PDE4D: variants seen among roughly 807,000 people sequenced by gnomAD.
PDE4D encodes the protein phosphodiesterase 4D, also known as 3',5'-cyclic-AMP phosphodiesterase 4D.
Under a neutral mutation model 87.4 loss-of-function variants are expected in PDE4D, and 24 were observed. That is an observed-to-expected ratio of 0.27 (90% CI 0.20 to 0.39). The LOEUF (loss-of-function observed/expected upper bound fraction) is 0.39. PDE4D is among the 10% of genes least tolerant of loss of function. PDE4D has a pLI of 1.00. For missense variants in PDE4D, 714 were observed against 1,041.0 expected (o/e 0.69, Z 4.32); for synonymous variants, 384 against 383.2 (o/e 1.00, Z -0.02).
chr5:59,713,675 G>C (rs1316825973), intron 1 of PDE4D, among the ~76,000 whole-genome samples: 2 of 152,164 alleles, frequency 1.3e-5, no homozygotes, highest in African/African-American at 4.8e-5. Context: ...TGTGGTACCT[G>C]GTCACAGCTG....
intron 2 of PDE4D, among the ~76,000 whole-genome samples, chr5:60,157,749 T>C (rs994974021): frequency 6.6e-6 from 1 of 152,234 alleles, no homozygotes; most frequent in Non-Finnish European, 1.5e-5. Flanking sequence ...TTTCAACTAA[T>C]GGTGGTACGA....
intron 1 of PDE4D, among the ~76,000 whole-genome samples, chr5:59,319,160 ATGTGTGTGTGTG>A (rs59099367): frequency 8.6e-5 from 12 of 139,672 alleles, no homozygotes; most frequent in Non-Finnish European, 1.3e-4. Context: ...GTACATATAT[ATGTGTGTGTGTG>A]TGTGTGTGTG....
intron 1 of PDE4D, among the ~76,000 whole-genome samples, chr5:60,404,738 G>A (rs17326404): frequency 0.052 from 7,908 of 152,294 alleles, 264 homozygotes; most frequent in East Asian, 0.11. Context: ...TAAGGGCTCC[G>A]TAACATGACA....
chr5:59,169,753 C>T (rs930849579), intron 5 of PDE4D, among the ~76,000 whole-genome samples: 1 of 152,188 alleles, frequency 6.6e-6, no homozygotes, highest in African/African-American at 2.4e-5. Context: ...GCCCTCTCAC[C>T]TGCTTTCTTC....
Position 59,668,852 on chromosome 5 carries a change from GAAGAAGAA to G in PDE4D, c.455+224308_455+224315del, listed in dbSNP as rs1746619791. Among the ~76,000 whole-genome samples, 94 of 51,738 alleles carry G rather than the reference GAAGAAGAA, an allele frequency of 1.8e-3. 1 individual carries two copies. Among genetic ancestry groups the G allele is most frequent in the African/African-American group, 7.3e-3 (72 of 9,904 alleles). The allele number at this position is 51,738 out of a possible 152,430, so 33.9% of individuals were successfully genotyped here. ...AGAAGAGGAAGAGGAAGAGGAAGAAGAAGAAGAAGAAGAAGAAGAAGAAGAAGAAGAAG... is the reference window on the plus strand; with the variant it reads ...AGAAGAGGAAGAGGAAGAGGAAGAAGGAAGAAGAAGAAGAAGAAGAAGAAG... On this transcript the variant is annotated intron_variant, in intron 1 of 14. Coordinates refer to ENST00000340635, the MANE Select transcript of PDE4D (RefSeq NM_001104631.2).
intron 1 of PDE4D, among the ~76,000 whole-genome samples, chr5:59,767,397 T>G (rs995169541): frequency 2.6e-5 from 4 of 152,164 alleles, no homozygotes; most frequent in African/African-American, 9.7e-5. Flanking sequence ...GAGTTTGGAA[T>G]GGCCTCTACT....
At chr5:59,208,461 C>A (rs1749316655) in intron 2 of PDE4D, among the ~76,000 whole-genome samples, 1 of 152,156 alleles carries the variant, frequency 6.6e-6, no homozygotes, top group South Asian at 2.1e-4. Context: ...ACATATAACT[C>A]AATTAATTCG....
intron 3 of PDE4D, among the ~76,000 whole-genome samples, chr5:59,912,048 A>G (rs1056829937): frequency 2.6e-5 from 4 of 152,196 alleles, no homozygotes; most frequent in Non-Finnish European, 4.4e-5. Context: ...GAGGCTTTAA[A>G]CTAATAGAAA....
chr5:59,750,203 T>C (rs1760234888), intron 1 of PDE4D, among the ~76,000 whole-genome samples: 1 of 151,282 alleles, frequency 6.6e-6, no homozygotes, highest in Non-Finnish European at 1.5e-5. Flanking sequence ...TTTCCCCACA[T>C]CTTTACTTTC....
chr5:59,465,340 C>T (rs1255891727), intron 1 of PDE4D, among the ~76,000 whole-genome samples: 1 of 152,124 alleles, frequency 6.6e-6, no homozygotes, highest in Non-Finnish European at 1.5e-5. Flanking sequence ...CCACCTTAAC[C>T]ACTATTACTT....
chr5:59,766,104 TCTC>T (rs954906302), intron 1 of PDE4D, among the ~76,000 whole-genome samples: 10 of 152,204 alleles, frequency 6.6e-5, no homozygotes, highest in African/African-American at 2.2e-4. Flanking sequence ...TTTTCAAAAT[TCTC>T]CATAGTGCTT....
At chr5:59,597,892 G>C (rs972760048) in intron 1 of PDE4D, among the ~76,000 whole-genome samples, 1 of 151,998 alleles carries the variant, frequency 6.6e-6, no homozygotes, top group African/African-American at 2.4e-5. Flanking sequence ...TTAACATTCT[G>C]ACTCGAGGGT....
At chr5:59,198,577 T>C (rs1253147394) in intron 2 of PDE4D, among the ~76,000 whole-genome samples, 4 of 152,204 alleles carry the variant, frequency 2.6e-5, no homozygotes, top group African/African-American at 7.2e-5. Context: ...TCACTAGTCC[T>C]GGCGAGCCTT....
At chr5:59,507,335 CA>C (rs1809440202) in intron 1 of PDE4D, among the ~76,000 whole-genome samples, 1 of 151,180 alleles carries the variant, frequency 6.6e-6, no homozygotes, top group African/African-American at 2.4e-5. Flanking sequence ...CTTTCTCAAA[CA>C]AAACAAAACA....
intron 1 of PDE4D, among the ~76,000 whole-genome samples, chr5:59,338,118 GA>G (rs1433188141): frequency 2.0e-5 from 3 of 152,166 alleles, no homozygotes; most frequent in African/African-American, 7.2e-5. Context: ...ACTAATATGT[GA>G]TATCCCAAAA....
chr5:60,268,467 G>T (rs974586941), intron 1 of PDE4D, among the ~76,000 whole-genome samples: 3 of 152,160 alleles, frequency 2.0e-5, no homozygotes, highest in African/African-American at 4.8e-5. Flanking sequence ...GGGTGTGGAC[G>T]GCTACCTCAC....
chr5:59,656,122 C>A (rs1281408941), intron 1 of PDE4D, among the ~76,000 whole-genome samples: 1 of 152,088 alleles, frequency 6.6e-6, no homozygotes, highest in African/African-American at 2.4e-5. Context: ...GTACATTCCT[C>A]ATACACAATC....
intron 1 of PDE4D, among the ~76,000 whole-genome samples, chr5:59,520,078 A>G (rs1412609964): frequency 6.6e-6 from 1 of 152,124 alleles, no homozygotes; most frequent in Non-Finnish European, 1.5e-5. Context: ...CCTGGCCAAC[A>G]TGGTAAACCT....
At chr5:59,836,044 G>C (rs773244624) in intron 1 of PDE4D, among the ~76,000 whole-genome samples, 1 of 151,970 alleles carries the variant, frequency 6.6e-6, no homozygotes, top group Non-Finnish European at 1.5e-5. Flanking sequence ...AAAATAAATA[G>C]GAGGGAGGAA....
Sources: allele counts gnomAD v4.1 joint callset (sites outside exome capture counted in the v4.1 genomes callset), GRCh38; gene constraint gnomAD v4.1.1; transcripts MANE v1.5; gene names NCBI Gene and HGNC (gene_info 2026-07-23, HGNC 2026-07-21).